MAP3K15: variants seen among roughly 807,000 people sequenced by gnomAD.
The protein encoded by MAP3K15 is MAPK/ERK kinase kinase 15.
MAP3K15 carries 124 observed loss-of-function variants against 99.5 expected under a neutral mutation model. The observed-to-expected ratio is 1.25, with a 90% CI of 1.08 to 1.45. The LOEUF is 1.45. Ranked by LOEUF, MAP3K15 falls within the 40% of genes most tolerant of loss-of-function variation. The pLI, the probability that MAP3K15 is intolerant of heterozygous loss-of-function variation, is 0.00. For synonymous variants in MAP3K15, 494 were observed against 439.6 expected (o/e 1.12, Z -1.55); for missense variants, 1,242 against 1,079.7 (o/e 1.15, Z -2.11).
chrX:19,368,860 T>TA (rs1199469715), intron 25 of MAP3K15, among the ~76,000 whole-genome samples, 194 bp downstream of exon 25: 4 of 108,192 alleles, frequency 3.7e-5, no homozygotes, highest in African/African-American at 1.0e-4. Context: ...TTTTTTTTTT[T>TA]AAAGGAAGGC....
At chrX:19,501,591 A>G (rs1358045910) in intron 1 of MAP3K15, among the ~76,000 whole-genome samples, 1 of 112,323 alleles carries the variant, frequency 8.9e-6, no homozygotes, top group African/African-American at 3.2e-5. Context: ...AGGGCACCAC[A>G]TAAGATCTGC....
intron 1 of MAP3K15, among the ~76,000 whole-genome samples, chrX:19,508,629 T>C (rs1410140843): frequency 8.9e-6 from 1 of 112,082 alleles, no homozygotes; most frequent in East Asian, 2.8e-4. Flanking sequence ...ACGCCTGTAA[T>C]CCTAGTAATT....
At chrX:19,486,846 C>T (rs1676305146) in intron 2 of MAP3K15, among the ~76,000 whole-genome samples, 1 of 111,140 alleles carries the variant, frequency 9.0e-6, no homozygotes, top group Non-Finnish European at 1.9e-5. Flanking sequence ...GCTGAGTGCC[C>T]TGCATCTTGC....
At chrX:19,479,539 G>C (rs1483105881) in intron 3 of MAP3K15, among the ~76,000 whole-genome samples, 1 of 111,848 alleles carries the variant, frequency 8.9e-6, no homozygotes, top group African/African-American at 3.3e-5. Flanking sequence ...CTCAGAGTCT[G>C]AGTCTAGAGG....
chrX:19,447,106 C>T lies in MAP3K15; in HGVS notation c.995+9807G>A, dbSNP rs1281813271. On this transcript the variant is annotated intron_variant, in intron 6 of 28. Coordinates refer to ENST00000338883, the MANE Select transcript of MAP3K15 (RefSeq NM_001001671.4). Reference sequence around the variant, plus strand: ...ATTTTTAAATTTTGTTTTGTAGAGACGGGGTCTTGCTATGTTGCTCAGGCT... The same window carrying T: ...ATTTTTAAATTTTGTTTTGTAGAGATGGGGTCTTGCTATGTTGCTCAGGCT... Among the ~76,000 whole-genome samples, 6 of 110,440 alleles carry T rather than the reference C, an allele frequency of 5.4e-5. No individual in the cohort carries two copies. In the South Asian group the frequency reaches 1.2e-3, roughly 21 times the overall value.
At chrX:19,398,088 A>G in intron 15 of MAP3K15, 138 bp downstream of exon 15, 2 of 592,821 alleles carry the variant, frequency 3.4e-6, no homozygotes, top group Non-Finnish European at 5.0e-6. Context: ...AAAAAAGATC[A>G]CCCCTATTAC....
chrX:19,446,766 C>T (rs1470062519), intron 6 of MAP3K15, among the ~76,000 whole-genome samples: 3 of 111,150 alleles, frequency 2.7e-5, no homozygotes, highest in African/African-American at 9.8e-5. Flanking sequence ...GGGGTGGCAT[C>T]GGGTGAACTT....
chrX:19,464,284 G>A lies in MAP3K15; in HGVS notation c.648C>T (p.Ile216=). ...SEYMQPNWDN[I]LGPLCMPLVD... ...CCAAAGGCATGCACAGCGGGCCCAG[G>A]ATGTTGTCCCAGTTGGGCTGCATGT... The change falls in exon 4 of 29, where the codon ATC becomes ATT. Residue 216 remains isoleucine, a synonymous_variant. Coordinates refer to ENST00000338883, the MANE Select transcript of MAP3K15 (RefSeq NM_001001671.4). The A allele has an allele frequency of 8.3e-7, 1 of 1,200,232 alleles. No individual in the cohort carries two copies. Among genetic ancestry groups the A allele is most frequent in the Non-Finnish European group, 1.1e-6 (1 of 895,170 alleles).
rs778112554 is a variant in MAP3K15 at position 19,398,289 on chromosome X, G to C, written c.2003C>G (p.Ala668Gly). The change falls in exon 15 of 29, where the codon GCT (alanine) becomes GGT (glycine). Residue 668 changes from alanine (A) to glycine (G), a missense_variant. By Grantham distance (60) the Ala-to-Gly change is moderately conservative. Coordinates refer to ENST00000338883, the MANE Select transcript of MAP3K15 (RefSeq NM_001001671.4). ...CACTTGATTGCTCAGATCTCGGCCA[G>C]CATACACAATCCCATACGTGCCTTT... The part of the protein sequence containing the change: ...LGKGTYGIVY[A>G]GRDLSNQVRI... 1.2e-5 allele frequency: 14 copies of C among 1,208,803 alleles called. No homozygotes were observed. The Admixed American group carries it at 2.6e-4, about 23-fold the overall frequency.
At chrX:19,376,726 T>G (rs2063420762) in intron 19 of MAP3K15, 1 of 110,591 alleles carries the variant, frequency 9.0e-6, no homozygotes, top group South Asian at 3.9e-4. Context: ...ATTATAGGGG[T>G]GAGCCAATGC....
At chrX:19,498,716 C>T (rs1445718344) in intron 1 of MAP3K15, among the ~76,000 whole-genome samples, 1 of 112,028 alleles carries the variant, frequency 8.9e-6, no homozygotes, top group Non-Finnish European at 1.9e-5. Context: ...GGGCACTCAT[C>T]GTGGGGCAAG....
At chrX:19,373,033 C>T (rs371519818) in intron 21 of MAP3K15, 6 of 45,315 alleles carry the variant, frequency 1.3e-4, no homozygotes, top group South Asian at 5.4e-4. Flanking sequence ...GAGGGGGAGG[C>T]GGGGTAAAGG....
chrX:19,464,107 T>A, intron 4 of MAP3K15, 106 bp downstream of exon 4: 2 of 661,827 alleles, frequency 3.0e-6, no homozygotes, highest in Non-Finnish European at 4.5e-6. Context: ...GGGACAATAG[T>A]GGGTTCTCCA....
rs1337725973 is a variant in MAP3K15, at chrX:19,423,166, T to G, written c.1439+2365A>C. Among the ~76,000 whole-genome samples the G allele has an allele frequency of 4.7e-5, 5 of 107,271 alleles. No individual in the cohort carries two copies. The Admixed American group carries it at 5.0e-4, about 11-fold the overall frequency. The allele number at this position is 107,271 out of a possible 115,157, so 93.2% of individuals were successfully genotyped here. A position where few individuals can be genotyped will look rare whatever the true frequency, so the allele number is the denominator to read the frequency against. On this transcript the variant is annotated intron_variant, in intron 9 of 28. Transcript: ENST00000338883. ...CGTTGTGCACATGTACCCTAAAACT[T>G]AAAGTATAATAAGAAAAAAAGAAAA...
At position 19,443,900 on chromosome X, in the gene MAP3K15, T is replaced by C. The variant is rs1386216755; in HGVS notation, c.996-12292A>G. On this transcript the variant is annotated intron_variant, in intron 6 of 28. Transcript: ENST00000338883. Reference sequence around the variant, plus strand: ...GTTTCATATGTCACTCCAAATGGCTTTCCAGATTCTAGCTCCTCCCAAGAA... The same window carrying C: ...GTTTCATATGTCACTCCAAATGGCTCTCCAGATTCTAGCTCCTCCCAAGAA... Among the ~76,000 whole-genome samples the C allele has an allele frequency of 2.7e-5, 3 of 111,532 alleles. No homozygotes were observed. The East Asian group carries it at 8.5e-4, about 32-fold the overall frequency.
Position 19,398,213 on chromosome X carries a change from C to T in MAP3K15, c.2066+13G>A, listed in dbSNP as rs191337604. On this transcript the variant is annotated intron_variant, in intron 15 of 28. Coordinates refer to ENST00000338883, the MANE Select transcript of MAP3K15 (RefSeq NM_001001671.4). ...GACGGCACCCGAAATGCGGAAGGCC[C>T]GCCTGGACTTGCCTGCTATCTCTCT... is the stretch of plus-strand genomic sequence containing the variant. The T allele has an allele frequency of 3.9e-5, 47 of 1,209,350 alleles. No homozygotes were observed. In the East Asian group the frequency reaches 1.2e-3, roughly 32 times the overall value.
rs747833147 is a variant in MAP3K15, at chrX:19,389,192, T to C, written c.2431+2810A>G. Among the ~76,000 whole-genome samples the C allele has an allele frequency of 4.5e-4, 49 of 109,014 alleles. 1 individual carries two copies. The highest frequency in any genetic ancestry group is 1.6e-3 in the African/African-American group (49 of 29,819). The allele number at this position is 109,014 out of a possible 115,157, so 94.7% of individuals were successfully genotyped here. A position where few individuals can be genotyped will look rare whatever the true frequency, so the allele number is the denominator to read the frequency against. ...CACGGGGTCTGCTAGGTCCAGACAC[T>C]GGATCGTGGTGATGGCTGAGCAACT... On this transcript the variant is annotated intron_variant, in intron 18 of 28. Transcript: ENST00000338883.
At chrX:19,466,061 C>T (rs1409861526) in intron 3 of MAP3K15, among the ~76,000 whole-genome samples, 1 of 110,532 alleles carries the variant, frequency 9.0e-6, no homozygotes, top group African/African-American at 3.3e-5. Context: ...TCAAGCGATC[C>T]TCCTGCCTTG....
intron 3 of MAP3K15, 81 bp downstream of exon 3, chrX:19,486,401 G>A (rs2064325959): frequency 4.9e-6 from 2 of 411,706 alleles, no homozygotes; most frequent in Non-Finnish European, 7.7e-6. Context: ...TTGCTACCTG[G>A]GCGATTTTCA....
Sources: gnomAD v4.1 joint callset for allele counts (sites outside exome capture counted in the v4.1 genomes callset) on GRCh38, gnomAD v4.1.1 for gene constraint, MANE v1.5 for transcripts, NCBI Gene and HGNC (gene_info 2026-07-23, HGNC 2026-07-21) for gene names.